The following FCGR3A variants were observed in gnomAD, a reference collection of about 807,000 sequenced individuals.
The protein encoded by FCGR3A is low affinity immunoglobulin gamma Fc region receptor III-A.
Under a neutral mutation model 24.1 loss-of-function variants are expected in FCGR3A, and 13 were observed. The observed-to-expected ratio is 0.54, with a 90% CI of 0.35 to 0.86. The LOEUF (loss-of-function observed/expected upper bound fraction) is 0.86. Among genes scored for constraint, FCGR3A ranks in the 40% least tolerant of loss-of-function variants. The pLI is 0.01. For missense variants in FCGR3A, 235 were observed against 298.0 expected (o/e 0.79, Z 1.56); for synonymous variants, 93 against 112.2 (o/e 0.83, Z 1.08).
intron 1 of FCGR3A, among the ~76,000 whole-genome samples, 166 bp from the exon 2 acceptor site, chr1:161,549,197 C>T (rs12735449): frequency 2.8e-4 from 42 of 148,416 alleles, no homozygotes; most frequent in South Asian, 6.5e-4. Context: ...CTCTGGTCTC[C>T]ACTGTTCATG....
Position 161,542,386 on chromosome 1 carries a change from TC to T in FCGR3A, c.*625del, listed in dbSNP as rs1189115734. On this transcript the variant is annotated 3_prime_UTR_variant, in exon 5 of 5. Transcript: ENST00000443193. ...TGGAGATGGTCCAGTTCTGATAGAG[TC>T]CCCTGGAAGACTCAATTCTACGTCA... is the stretch of plus-strand genomic sequence containing the variant. 1.3e-5 allele frequency: 2 copies of T among 150,028 alleles called. No homozygotes were observed. The highest frequency in any genetic ancestry group is 3.8e-4 in the East Asian group (2 of 5,218). The allele number at this position is 150,028 out of a possible 1,614,324, so 9.3% of individuals were successfully genotyped here. A position where few individuals can be genotyped will look rare whatever the true frequency, so the allele number is the denominator to read the frequency against.
intron 3 of FCGR3A, among the ~76,000 whole-genome samples, chr1:161,548,190 T>TG (rs1199453289): frequency 6.6e-6 from 1 of 152,304 alleles, no homozygotes; most frequent in East Asian, 1.9e-4. Context: ...TGGGGATTCT[T>TG]GGAATTGTGC....
At chr1:161,546,246 C>T (rs1677390437) in intron 3 of FCGR3A, among the ~76,000 whole-genome samples, 1 of 152,148 alleles carries the variant, frequency 6.6e-6, no homozygotes, top group Admixed American at 6.5e-5. Flanking sequence ...GCCTATCTAT[C>T]CACTTACTTT....
In FCGR3A at chr1:161,543,212, G is replaced by C; in HGVS notation, c.578-13C>G. 1.2e-6 allele frequency: 2 copies of C among 1,607,850 alleles called. No homozygotes were observed. Among genetic ancestry groups the C allele is most frequent in the Non-Finnish European group, 1.7e-6 (2 of 1,177,254 alleles). On this transcript the variant is annotated splice_polypyrimidine_tract_variant and intron_variant, in intron 4 of 4. Coordinates refer to ENST00000443193, the MANE Select transcript of FCGR3A (RefSeq NM_000569.8). ...GACACTGCCAAACCTATTAGGAGAA[G>C]TGGAGAGATGAAAAAAAATGACAGT... is the stretch of plus-strand genomic sequence containing the variant.
At chr1:161,546,835 G>A (rs549325425) in intron 3 of FCGR3A, among the ~76,000 whole-genome samples, 13 of 152,080 alleles carry the variant, frequency 8.5e-5, no homozygotes, top group Admixed American at 4.6e-4. Flanking sequence ...AACCCGGGAG[G>A]TGGAGGTTGC....
chr1:161,544,521 G>A (rs1478890107), intron 4 of FCGR3A, among the ~76,000 whole-genome samples, 180 bp downstream of exon 4: 1 of 151,120 alleles, frequency 6.6e-6, no homozygotes, highest in African/African-American at 2.4e-5. Flanking sequence ...CTGAAACAGA[G>A]CTGCAAACCT....
intron 3 of FCGR3A, 66 bp from the exon 4 acceptor site, chr1:161,545,024 C>T (rs1489804229): frequency 8.2e-6 from 13 of 1,579,534 alleles, no homozygotes; most frequent in Non-Finnish European, 1.1e-5. Flanking sequence ...TGTGAAGGGG[C>T]CACGTACCAC....
At chr1:161,545,620 C>T (rs1677355451) in intron 3 of FCGR3A, 1 of 152,040 alleles carries the variant, frequency 6.6e-6, no homozygotes, top group African/African-American at 2.4e-5. Context: ...TCTTGTATCG[C>T]CAGAGCTTAT....
intron 3 of FCGR3A, among the ~76,000 whole-genome samples, chr1:161,547,206 G>A (rs572254391): frequency 5.3e-5 from 8 of 152,190 alleles, no homozygotes; most frequent in African/African-American, 1.9e-4. Flanking sequence ...TACCTAGCTA[G>A]AAATGGACAT....
rs982600679 is a variant in FCGR3A, at chr1:161,549,619, T to C, written c.40+78A>G. The C allele has an allele frequency of 1.6e-4, 247 of 1,587,068 alleles. 2 individuals carry two copies. Among genetic ancestry groups the C allele is most frequent in the Admixed American group, 1.7e-4 (10 of 57,372 alleles). On this transcript the variant is annotated intron_variant, in intron 1 of 4. Transcript: ENST00000443193. ...GTCCCATCCCTTCGTGGGAGTCTCA[T>C]TCGTAGCCTGAAAAGGGGTCTCTGC...
chr1:161,542,984 T>G lies in FCGR3A; in HGVS notation c.*28A>C. 1.9e-6 allele frequency: 3 copies of G among 1,566,710 alleles called. 1 individual carries two copies. The highest frequency in any genetic ancestry group is 2.6e-6 in the Non-Finnish European group (3 of 1,148,244). Reference sequence around the variant, plus strand: ...AAATGTTCAGAGATGCTGCTGCTACTGCTCTTATTACCCCCATGGGATGGG... The same window carrying G: ...AAATGTTCAGAGATGCTGCTGCTACGGCTCTTATTACCCCCATGGGATGGG... On this transcript the variant is annotated 3_prime_UTR_variant, in exon 5 of 5. Coordinates refer to ENST00000443193, the MANE Select transcript of FCGR3A (RefSeq NM_000569.8).
chr1:161,542,942 G>A lies in FCGR3A; in HGVS notation c.*70C>T. 8.1e-7 allele frequency: 1 copy of A among 1,230,546 alleles called. No individual in the cohort carries two copies. The highest frequency in any genetic ancestry group is 1.2e-6 in the Non-Finnish European group (1 of 869,046). The allele number at this position is 1,230,546 out of a possible 1,614,324, so 76.2% of individuals were successfully genotyped here. On this transcript the variant is annotated 3_prime_UTR_variant, in exon 5 of 5. Coordinates refer to ENST00000443193, the MANE Select transcript of FCGR3A (RefSeq NM_000569.8). Reference sequence around the variant, plus strand: ...CTTGTAGAGAGGCCTGAGGATGATGGGGTTGCAAATCCAGAGAAATGTTCA... The same window carrying A: ...CTTGTAGAGAGGCCTGAGGATGATGAGGTTGCAAATCCAGAGAAATGTTCA...
In FCGR3A at chr1:161,542,413, C is replaced by T. The variant is rs1677157702; in HGVS notation, c.*599G>A. On this transcript the variant is annotated 3_prime_UTR_variant, in exon 5 of 5. Coordinates refer to ENST00000443193, the MANE Select transcript of FCGR3A (RefSeq NM_000569.8). ...CCCTGGAAGACTCAATTCTACGTCA[C>T]CCTCATGATTTCCTGTTAATTCCAC... The T allele has an allele frequency of 1.3e-5, 2 of 151,982 alleles. No individual in the cohort carries two copies. The highest frequency in any genetic ancestry group is 4.8e-5 in the African/African-American group (2 of 41,280). The allele number at this position is 151,982 out of a possible 1,614,324, so 9.4% of individuals were successfully genotyped here.
At chr1:161,545,224 G>T (rs566296306) in intron 3 of FCGR3A, among the ~76,000 whole-genome samples, 1 of 152,266 alleles carries the variant, frequency 6.6e-6, no homozygotes, top group Non-Finnish European at 1.5e-5. Flanking sequence ...AATGAGGTAA[G>T]TGAGAAGCAA....
chr1:161,548,511 C>A lies in FCGR3A; in HGVS notation c.229G>T (p.Asp77Tyr). 1 of 1,614,036 alleles carries A rather than the reference C, an allele frequency of 6.2e-7. No homozygotes were observed. The highest frequency in any genetic ancestry group is 8.5e-7 in the Non-Finnish European group (1 of 1,179,876). Residue 77 changes from aspartate (D) to tyrosine (Y), a missense_variant, in exon 3 of 5, where the codon GAC (aspartate) becomes TAC (tyrosine). Physicochemically the swap from Asp to Tyr is radical, Grantham distance 160. Transcript: ENST00000443193. Reference sequence around the variant, plus strand: ...CCACTGTCGTCGACTGTGGCAGCGTCAATGAAGTAGCTCGAGGCCTGGCTT... The same window carrying A: ...CCACTGTCGTCGACTGTGGCAGCGTAAATGAAGTAGCTCGAGGCCTGGCTT... ...ISSQASSYFIDAATVDDSGEY... is the reference protein window; with the variant it reads ...ISSQASSYFIYAATVDDSGEY...
At position 161,542,850 on chromosome 1, in the gene FCGR3A, A is replaced by G; in HGVS notation, c.*162T>C. On this transcript the variant is annotated 3_prime_UTR_variant, in exon 5 of 5. Transcript: ENST00000443193. ...TGAAGATCATGGGCTTTTCCCTTCC[A>G]CTGGAGACCAAGGAAAAGTCGAGAG... The G allele has an allele frequency of 1.8e-6, 1 of 566,936 alleles. No homozygotes were observed. Among genetic ancestry groups the G allele is most frequent in the South Asian group, 2.9e-5 (1 of 34,270 alleles). The allele number at this position is 566,936 out of a possible 1,614,324, so 35.1% of individuals were successfully genotyped here.
intron 3 of FCGR3A, among the ~76,000 whole-genome samples, chr1:161,546,850 A>C (rs1404183480): frequency 6.6e-6 from 1 of 152,032 alleles, no homozygotes; most frequent in Admixed American, 6.6e-5. Context: ...GGTTGCAGTG[A>C]GCCAAGATTG....
At chr1:161,544,399 G>A (rs1409320972) in intron 4 of FCGR3A, among the ~76,000 whole-genome samples, 2 of 151,916 alleles carry the variant, frequency 1.3e-5, no homozygotes, top group Non-Finnish European at 2.9e-5. Context: ...CACCGTGGGT[G>A]TGATTAGCGT....
chr1:161,549,170 A>C, intron 1 of FCGR3A, 139 bp from the exon 2 acceptor site: 1 of 722,138 alleles, frequency 1.4e-6, no homozygotes, highest in African/African-American at 1.7e-5. Context: ...TTTCTGGTGG[A>C]AACCTTGCTA....
Sources: gnomAD v4.1 joint callset for allele counts (sites outside exome capture counted in the v4.1 genomes callset) on GRCh38, gnomAD v4.1.1 for gene constraint, MANE v1.5 for transcripts, NCBI Gene and HGNC (gene_info 2026-07-23, HGNC 2026-07-21) for gene names.